PCDH15: variants seen among roughly 807,000 people sequenced by gnomAD.
PCDH15 encodes the protein protocadherin related 15.
In PCDH15, 129 loss-of-function variants were observed where a neutral mutation model predicts 178.5. The ratio of observed to expected loss-of-function variants is 0.72; its 90% CI spans 0.63 to 0.84. The LOEUF is 0.84. Ranked by LOEUF, PCDH15 falls within the 40% of genes least tolerant of loss-of-function variation. PCDH15 has a pLI of 0.00. For missense variants in PCDH15, 2,230 were observed against 2,099.9 expected, an observed-to-expected ratio of 1.06 and a Z score of -1.21; for synonymous variants, 800 against 732.0, an observed-to-expected ratio of 1.09 and a Z score of -1.50.
chr10:55,255,155 A>T (rs970459406), intron 1 of PCDH15, among the ~76,000 whole-genome samples: 5 of 152,044 alleles, frequency 3.3e-5, no homozygotes, highest in African/African-American at 1.2e-4. Flanking sequence ...TCCTGTGTCC[A>T]TGTATTCTCG....
At chr10:54,260,314 A>ATC (rs922647601) in intron 8 of PCDH15, among the ~76,000 whole-genome samples, 1 of 151,772 alleles carries the variant, frequency 6.6e-6, no homozygotes, top group Non-Finnish European at 1.5e-5. Context: ...TTGAGAAGGA[A>ATC]TCTCTCTCTG....
chr10:55,354,716 C>A (rs907563757), intron 2 of PCDH15, among the ~76,000 whole-genome samples: 1 of 151,906 alleles, frequency 6.6e-6, no homozygotes, highest in African/African-American at 2.4e-5. Context: ...AACTAGAGAG[C>A]TTTTTGGTTG....
intron 1 of PCDH15, among the ~76,000 whole-genome samples, chr10:54,667,189 ACT>A (rs1330806013): frequency 1.3e-5 from 2 of 151,918 alleles, no homozygotes; most frequent in Non-Finnish European, 2.9e-5. Context: ...TAGTTTTTTT[ACT>A]CTTTCATCTA....
intron 17 of PCDH15, among the ~76,000 whole-genome samples, chr10:54,075,398 A>G (rs2094323781): frequency 6.6e-6 from 1 of 151,894 alleles, no homozygotes; most frequent in Admixed American, 6.6e-5. Flanking sequence ...AAAAAGATCT[A>G]TATATTTTGA....
intron 2 of PCDH15, among the ~76,000 whole-genome samples, chr10:55,152,831 C>G (rs1224196070): frequency 6.6e-6 from 1 of 151,922 alleles, no homozygotes; most frequent in African/African-American, 2.4e-5. Flanking sequence ...ATGACTATAT[C>G]ATAAAATAAA....
intron 2 of PCDH15, among the ~76,000 whole-genome samples, chr10:54,654,053 A>C (rs563753574): frequency 6.6e-6 from 1 of 152,296 alleles, no homozygotes; most frequent in South Asian, 2.1e-4. Context: ...TATTATTGTC[A>C]CCATTGTGTG....
At chr10:54,652,268 A>G (rs527914364) in intron 2 of PCDH15, among the ~76,000 whole-genome samples, 1 of 152,046 alleles carries the variant, frequency 6.6e-6, no homozygotes, top group South Asian at 2.1e-4. Flanking sequence ...TTCTGTGTCC[A>G]TTCTTAGCTC....
At chr10:55,602,409 C>T (rs1227169510) in intron 2 of PCDH15, among the ~76,000 whole-genome samples, 1 of 152,146 alleles carries the variant, frequency 6.6e-6, no homozygotes, top group Admixed American at 6.5e-5. Context: ...GCCTGCCTGC[C>T]TCTGTAGGCT....
At chr10:54,976,691 C>T (rs1229550450) in intron 2 of PCDH15, among the ~76,000 whole-genome samples, 1 of 152,210 alleles carries the variant, frequency 6.6e-6, no homozygotes, top group African/African-American at 2.4e-5. Context: ...CTTGTGACCT[C>T]TGGCCACATG....
At chr10:54,831,548 A>G (rs79924395) in intron 3 of PCDH15, among the ~76,000 whole-genome samples, 5,391 of 152,174 alleles carry the variant, frequency 0.035, 277 homozygotes, top group African/African-American at 0.12. Flanking sequence ...CAAATTTTCA[A>G]TGTTTGTGTG....
At chr10:54,462,496 T>TTTTC (rs756383551) in intron 3 of PCDH15, among the ~76,000 whole-genome samples, 2,741 of 83,948 alleles carry the variant, frequency 0.033, 104 homozygotes, top group African/African-American at 0.1. Context: ...TTTTCTTTTC[T>TTTTC]TTTTCTTTTT....
intron 2 of PCDH15, among the ~76,000 whole-genome samples, chr10:55,164,299 TA>T (rs201244577): frequency 2.6e-5 from 4 of 151,636 alleles, no homozygotes; most frequent in African/African-American, 4.8e-5. Flanking sequence ...ACATAAAATG[TA>T]TTTTTTTTTT....
chr10:53,873,436 C>T (rs2080012858), intron 26 of PCDH15, among the ~76,000 whole-genome samples: 1 of 152,184 alleles, frequency 6.6e-6, no homozygotes, highest in East Asian at 1.9e-4. Context: ...TACATTATCT[C>T]ATGACATCCT....
chr10:54,765,596 G>A (rs1948414446), intron 1 of PCDH15, among the ~76,000 whole-genome samples: 1 of 152,052 alleles, frequency 6.6e-6, no homozygotes, highest in Non-Finnish European at 1.5e-5. Flanking sequence ...AACATCAAAA[G>A]TATTACCTGT....
chr10:54,731,546 A>ATATATATATATATATATATATC (rs1491117468), intron 1 of PCDH15, among the ~76,000 whole-genome samples: 1 of 17,588 alleles, frequency 5.7e-5, no homozygotes, highest in African/African-American at 1.5e-4. Context: ...TGTGAGATAG[A>ATATATATATATATATATATATC]TATATATATA....
At chr10:54,815,814 T>C (rs1390264822) in intron 3 of PCDH15, among the ~76,000 whole-genome samples, 1 of 152,126 alleles carries the variant, frequency 6.6e-6, no homozygotes, top group African/African-American at 2.4e-5. Flanking sequence ...TGCAAACAGA[T>C]GATAAACACA....
chr10:55,567,880 C>T (rs1378915492), intron 2 of PCDH15, among the ~76,000 whole-genome samples: 1 of 151,782 alleles, frequency 6.6e-6, no homozygotes, highest in Non-Finnish European at 1.5e-5. Flanking sequence ...AGCCCATACC[C>T]ATTTAGGATG....
intron 1 of PCDH15, among the ~76,000 whole-genome samples, chr10:55,224,860 T>C (rs1218708126): frequency 6.6e-6 from 1 of 152,090 alleles, no homozygotes; most frequent in Non-Finnish European, 1.5e-5. Context: ...CTGAAGCTTT[T>C]TGTTGTTTAC....
At chr10:54,594,033 G>T (rs1414776199) in intron 2 of PCDH15, among the ~76,000 whole-genome samples, 1 of 152,012 alleles carries the variant, frequency 6.6e-6, no homozygotes. Flanking sequence ...ATGAAGCTGG[G>T]AATGCTGCAT....
Sources: gnomAD v4.1 joint callset for allele counts (sites outside exome capture counted in the v4.1 genomes callset) on GRCh38, gnomAD v4.1.1 for gene constraint, MANE v1.5 for transcripts, NCBI Gene and HGNC (gene_info 2026-07-23, HGNC 2026-07-21) for gene names.